NCALD: variants seen among roughly 807,000 people sequenced by gnomAD.
NCALD encodes the protein neurocalcin-delta.
Under a neutral mutation model 18.6 loss-of-function variants are expected in NCALD, and 10 were observed. The observed-to-expected ratio is 0.54, with a 90% CI of 0.33 to 0.91. The LOEUF (loss-of-function observed/expected upper bound fraction) is 0.91, where lower values mean the gene tolerates loss of function less well. Ranked by LOEUF, NCALD falls within the 40% of genes least tolerant of loss-of-function variation. NCALD has a pLI of 0.03. For synonymous variants in NCALD, 88 were observed against 87.4 expected (o/e 1.01, Z -0.04); for missense variants, 184 against 247.6 (o/e 0.74, Z 1.72).
chr8:101,940,262 G>C (rs886833687), intron 2 of NCALD, among the ~76,000 whole-genome samples: 1 of 152,116 alleles, frequency 6.6e-6, no homozygotes, highest in African/African-American at 2.4e-5. Context: ...GATTCCCTTA[G>C]GTGGCAATAG....
intron 2 of NCALD, among the ~76,000 whole-genome samples, chr8:102,017,964 G>A (rs1027987056): frequency 2.6e-5 from 4 of 152,106 alleles, no homozygotes; most frequent in African/African-American, 9.7e-5. Context: ...AAGAAGATAC[G>A]CAGATGGCAA....
At chr8:101,797,029 G>A (rs1017009731) in intron 4 of NCALD, among the ~76,000 whole-genome samples, 11 of 152,132 alleles carry the variant, frequency 7.2e-5, no homozygotes, top group African/African-American at 2.2e-4. Context: ...AGTTATCCCC[G>A]CCTTTCTGGA....
intron 2 of NCALD, among the ~76,000 whole-genome samples, chr8:101,974,336 T>C (rs967530717): frequency 6.6e-6 from 1 of 152,240 alleles, no homozygotes; most frequent in Non-Finnish European, 1.5e-5. Flanking sequence ...GCTGTGTGTT[T>C]CCTTTGCAAA....
At chr8:101,824,385 T>C (rs10105774) in intron 4 of NCALD, among the ~76,000 whole-genome samples, 70,262 of 152,054 alleles carry the variant, frequency 0.46, 20,337 homozygotes, top group Non-Finnish European at 0.65. Flanking sequence ...AAAACCACCA[T>C]ACTGGGGTAC....
At chr8:101,789,387 G>C (rs1266079311) in intron 1 of NCALD, among the ~76,000 whole-genome samples, 1 of 152,096 alleles carries the variant, frequency 6.6e-6, no homozygotes, top group African/African-American at 2.4e-5. Context: ...CCTCCACGGA[G>C]ACCCTGACCA....
At chr8:101,770,964 A>T (rs1182635258) in intron 1 of NCALD, among the ~76,000 whole-genome samples, 1 of 152,218 alleles carries the variant, frequency 6.6e-6, no homozygotes, top group Non-Finnish European at 1.5e-5. Flanking sequence ...TAATGCTTCA[A>T]TTCAAACACA....
intron 4 of NCALD, among the ~76,000 whole-genome samples, chr8:101,811,607 G>A (rs1288051733): frequency 6.6e-6 from 1 of 152,238 alleles, no homozygotes; most frequent in African/African-American, 2.4e-5. Flanking sequence ...CTTTATGAAA[G>A]AAGCAAAGAT....
chr8:101,772,025 GA>G (rs1811602657), intron 1 of NCALD, among the ~76,000 whole-genome samples: 1 of 152,140 alleles, frequency 6.6e-6, no homozygotes, highest in Non-Finnish European at 1.5e-5. Context: ...GAGTGGTAGG[GA>G]CCTGGGAATG....
chr8:102,052,964 G>T (rs189875394), intron 1 of NCALD, among the ~76,000 whole-genome samples: 2 of 152,216 alleles, frequency 1.3e-5, no homozygotes, highest in Admixed American at 1.3e-4. Context: ...TAGCCTGAGG[G>T]TCATACAAAA....
In NCALD at chr8:101,786,970, C is replaced by G. The variant is rs1471255574; in HGVS notation, c.-20+3892G>C. Among the ~76,000 whole-genome samples the G allele has an allele frequency of 2.0e-5, 3 of 152,144 alleles. No homozygotes were observed. The East Asian group carries it at 5.8e-4, about 29-fold the overall frequency. On this transcript the variant is annotated intron_variant, in intron 1 of 3. Transcript: ENST00000220931. Reference sequence around the variant, plus strand: ...TCACTACTGAGATAAAAAGGGCAGACTGTTTTTAGTTTGGCTCCAGTGAAT... The same window carrying G: ...TCACTACTGAGATAAAAAGGGCAGAGTGTTTTTAGTTTGGCTCCAGTGAAT...
chr8:101,713,865 T>C (rs1227380389), intron 2 of NCALD, among the ~76,000 whole-genome samples: 2 of 152,116 alleles, frequency 1.3e-5, no homozygotes, highest in East Asian at 1.9e-4. Flanking sequence ...AAGAGGAGCT[T>C]GCACCATTCC....
rs1021786800 is a variant in NCALD, at chr8:102,057,519, A to G, written c.-209-37230T>C. Reference sequence around the variant, plus strand: ...TTTATAGTTTTCCTGTTAGAAATATATATTGCTAAAATTTTCATGCTCCAG... The same window carrying G: ...TTTATAGTTTTCCTGTTAGAAATATGTATTGCTAAAATTTTCATGCTCCAG... On this transcript the variant is annotated intron_variant, in intron 1 of 6. Transcript: ENST00000311028. Among the ~76,000 whole-genome samples the G allele has an allele frequency of 3.9e-5, 6 of 152,302 alleles. No individual in the cohort carries two copies. In the East Asian group the frequency reaches 7.7e-4, roughly 20 times the overall value.
intron 1 of NCALD, among the ~76,000 whole-genome samples, chr8:101,736,787 T>C (rs1250630302): frequency 1.3e-5 from 2 of 152,162 alleles, no homozygotes; most frequent in South Asian, 2.1e-4. Context: ...CCACAGCAAA[T>C]GGCCATCCAA....
chr8:101,701,285 G>C (rs1312386220), intron 2 of NCALD, among the ~76,000 whole-genome samples: 1 of 152,188 alleles, frequency 6.6e-6, no homozygotes, highest in Non-Finnish European at 1.5e-5. Flanking sequence ...ACTAGCTTCA[G>C]TCCCCACCCC....
chr8:101,815,745 C>A (rs1813472217), intron 4 of NCALD, among the ~76,000 whole-genome samples: 1 of 152,082 alleles, frequency 6.6e-6, no homozygotes, highest in Non-Finnish European at 1.5e-5. Context: ...CAGTTTCTTA[C>A]AAAACTAAAC....
At chr8:102,089,516 A>C (rs775664099) in intron 1 of NCALD, among the ~76,000 whole-genome samples, 1 of 152,124 alleles carries the variant, frequency 6.6e-6, no homozygotes. Context: ...TTACATATGA[A>C]AGAGCTTTAA....
intron 1 of NCALD, among the ~76,000 whole-genome samples, chr8:102,049,658 G>A (rs1166536890): frequency 1.3e-5 from 2 of 152,138 alleles, no homozygotes; most frequent in African/African-American, 4.8e-5. Context: ...ATTCCCACCA[G>A]AAATGAATGA....
At chr8:101,974,975 A>G (rs1820369090) in intron 2 of NCALD, among the ~76,000 whole-genome samples, 1 of 152,240 alleles carries the variant, frequency 6.6e-6, no homozygotes, top group Admixed American at 6.5e-5. Flanking sequence ...ACAAAACACC[A>G]TAGAACATTT....
At chr8:101,985,433 C>T (rs971864320) in intron 2 of NCALD, among the ~76,000 whole-genome samples, 1 of 152,180 alleles carries the variant, frequency 6.6e-6, no homozygotes, top group African/African-American at 2.4e-5. Context: ...TGTAATGCAG[C>T]CATAGACAGC....
Sources: allele counts gnomAD v4.1 joint callset (sites outside exome capture counted in the v4.1 genomes callset), GRCh38; gene constraint gnomAD v4.1.1; transcripts MANE v1.5; gene names NCBI Gene and HGNC (gene_info 2026-07-23, HGNC 2026-07-21).